RBFOX1: variants seen among roughly 807,000 people sequenced by gnomAD.
The protein encoded by RBFOX1 is RNA binding fox-1 homolog 1.
A neutral mutation model predicts 57.7 loss-of-function variants in RBFOX1; 8 were observed. The observed-to-expected ratio is 0.14, with a 90% CI of 0.08 to 0.25. The LOEUF is 0.25. RBFOX1 is among the 10% of genes least tolerant of loss of function. The pLI is 1.00. For missense variants in RBFOX1, 611 were observed against 548.5 expected (o/e 1.11, Z -1.14); for synonymous variants, 326 against 222.4 (o/e 1.47, Z -4.15).
chr16:7,346,407 A>G (rs1159703009), intron 4 of RBFOX1, among the ~76,000 whole-genome samples: 1 of 151,888 alleles, frequency 6.6e-6, no homozygotes, highest in East Asian at 2.0e-4. Flanking sequence ...TTCATTAAGG[A>G]GCATTTTGTA....
chr16:7,535,079 G>A (rs1227805240), intron 5 of RBFOX1, among the ~76,000 whole-genome samples: 1 of 152,152 alleles, frequency 6.6e-6, no homozygotes, highest in Non-Finnish European at 1.5e-5. Flanking sequence ...AAGGGAAATT[G>A]TACTTCTCTC....
chr16:6,623,836 G>C (rs538310644), intron 2 of RBFOX1, among the ~76,000 whole-genome samples: 1 of 152,226 alleles, frequency 6.6e-6, no homozygotes, highest in East Asian at 1.9e-4. Flanking sequence ...TCTTAATCCA[G>C]TCTATCATTG....
chr16:6,891,513 A>G (rs143712227), intron 3 of RBFOX1, among the ~76,000 whole-genome samples: 7 of 152,216 alleles, frequency 4.6e-5, no homozygotes, highest in African/African-American at 1.7e-4. Flanking sequence ...TATATCAGCT[A>G]CATAAACTTC....
At chr16:7,095,218 C>T (rs973626322) in intron 4 of RBFOX1, among the ~76,000 whole-genome samples, 8 of 152,254 alleles carry the variant, frequency 5.3e-5, no homozygotes, top group Admixed American at 4.6e-4. Context: ...CTCACTGCAA[C>T]CTCCGCCTCC....
intron 3 of RBFOX1, among the ~76,000 whole-genome samples, chr16:5,681,692 C>CG (rs2050344713): frequency 6.6e-6 from 1 of 151,964 alleles, no homozygotes. Flanking sequence ...TGTGCCCGGC[C>CG]GGTAAGATTT....
intron 2 of RBFOX1, among the ~76,000 whole-genome samples, chr16:5,596,131 G>C (rs999202576): frequency 6.6e-5 from 10 of 152,158 alleles, no homozygotes; most frequent in African/African-American, 2.4e-4. Flanking sequence ...GAAGGGGCTG[G>C]AAAGTGTGGA....
At chr16:7,122,171 G>C (rs2067336471) in intron 4 of RBFOX1, among the ~76,000 whole-genome samples, 1 of 152,036 alleles carries the variant, frequency 6.6e-6, no homozygotes, top group Non-Finnish European at 1.5e-5. Context: ...TAACAAAATT[G>C]TTAATAAATT....
At chr16:6,197,103 C>T (rs2097184555) in intron 1 of RBFOX1, among the ~76,000 whole-genome samples, 1 of 152,066 alleles carries the variant, frequency 6.6e-6, no homozygotes, top group African/African-American at 2.4e-5. Flanking sequence ...AAATAGAAAG[C>T]TTTATATTGG....
At chr16:7,681,465 A>T (rs1597957683) in intron 14 of RBFOX1, among the ~76,000 whole-genome samples, 1 of 152,254 alleles carries the variant, frequency 6.6e-6, no homozygotes, top group South Asian at 2.1e-4. Flanking sequence ...CTATTTTAGA[A>T]TTTTTCTGGC....
intron 1 of RBFOX1, among the ~76,000 whole-genome samples, chr16:5,350,049 G>A (rs117059192): frequency 0.016 from 2,423 of 152,320 alleles, 35 homozygotes; most frequent in Non-Finnish European, 0.023. Flanking sequence ...TAGAACTGGC[G>A]CTTGCGTGAG....
chr16:6,259,598 G>A (rs1173855275), intron 1 of RBFOX1, among the ~76,000 whole-genome samples: 1 of 152,068 alleles, frequency 6.6e-6, no homozygotes, highest in African/African-American at 2.4e-5. Context: ...GCCCAGTAGC[G>A]ACGAAAGTGC....
At chr16:6,190,758 A>G (rs979555177) in intron 1 of RBFOX1, among the ~76,000 whole-genome samples, 1 of 152,188 alleles carries the variant, frequency 6.6e-6, no homozygotes, top group Admixed American at 6.5e-5. Flanking sequence ...ATTGCAGCAA[A>G]ATATGGTGCT....
chr16:7,258,778 A>C (rs1359244610), intron 4 of RBFOX1, among the ~76,000 whole-genome samples: 2 of 152,130 alleles, frequency 1.3e-5, no homozygotes, highest in African/African-American at 4.8e-5. Flanking sequence ...ACTACTGCTG[A>C]TTTTGAACCG....
Position 6,305,639 on chromosome 16 carries a change from C to G in RBFOX1, c.-126-11356C>G, listed in dbSNP as rs148619882. On this transcript the variant is annotated intron_variant, in intron 1 of 15. Transcript: ENST00000550418. The stretch of plus-strand genomic sequence containing the variant: ...CAGCTTTTTAAACACATACTGTAGT[C>G]ATACTCTTAGCTTTTTTTTTTTCCT... 2.4e-4 allele frequency among the ~76,000 whole-genome samples: 34 copies of G among 142,090 alleles called. 1 individual carries two copies. Among genetic ancestry groups the G allele is most frequent in the Middle Eastern group, 4.0e-3 (1 of 250 alleles). The allele number at this position is 142,090 out of a possible 152,430, so 93.2% of individuals were successfully genotyped here.
chr16:7,411,746 T>C (rs1197087770), intron 4 of RBFOX1, among the ~76,000 whole-genome samples: 1 of 151,706 alleles, frequency 6.6e-6, no homozygotes, highest in African/African-American at 2.4e-5. Context: ...TCTATTAAAA[T>C]GCAAAAATTA....
chr16:5,771,737 G>A (rs2053984774), intron 3 of RBFOX1, among the ~76,000 whole-genome samples: 1 of 152,184 alleles, frequency 6.6e-6, no homozygotes, highest in African/African-American at 2.4e-5. Flanking sequence ...TATCAGGCAT[G>A]TGAAAATGTC....
chr16:7,402,929 G>C (rs2098269272), intron 4 of RBFOX1, among the ~76,000 whole-genome samples: 3 of 152,130 alleles, frequency 2.0e-5, no homozygotes, highest in Non-Finnish European at 4.4e-5. Context: ...GGAAGGCTTG[G>C]AGGCAATTCT....
chr16:7,483,334 C>G lies in RBFOX1; in HGVS notation c.28-34813C>G, dbSNP rs548439884. On this transcript the variant is annotated intron_variant, in intron 4 of 15. Coordinates refer to ENST00000550418, the MANE Select transcript of RBFOX1 (RefSeq NM_018723.4). ...ATCTGGCAGACCTGTTGTCCTATCC[C>G]AGATCAGACTTACTGAACCTGTGAA... Among the ~76,000 whole-genome samples, 3 of 152,198 alleles carry G rather than the reference C, an allele frequency of 2.0e-5. No individual in the cohort carries two copies. In the South Asian group the frequency reaches 6.2e-4, roughly 32 times the overall value.
intron 1 of RBFOX1, among the ~76,000 whole-genome samples, chr16:6,205,346 A>G (rs72774598): frequency 0.018 from 2,740 of 152,342 alleles, 44 homozygotes; most frequent in Non-Finnish European, 0.029. Flanking sequence ...TTAAAATTTC[A>G]GTTCTGCATC....
Sources: allele counts gnomAD v4.1 joint callset (sites outside exome capture counted in the v4.1 genomes callset), GRCh38; gene constraint gnomAD v4.1.1; transcripts MANE v1.5; gene names NCBI Gene and HGNC (gene_info 2026-07-23, HGNC 2026-07-21).